The following PAPPA variants were observed in gnomAD, a reference collection of about 807,000 sequenced individuals.
The protein encoded by PAPPA is pappalysin 1.
PAPPA carries 60 observed loss-of-function variants against 164.0 expected under a neutral mutation model. The observed-to-expected ratio is 0.37, with a 90% CI of 0.30 to 0.45. The LOEUF (loss-of-function observed/expected upper bound fraction) is 0.45, where lower values mean the gene tolerates loss of function less well. Ranked by LOEUF, PAPPA falls within the 20% of genes least tolerant of loss-of-function variation. The pLI is 1.00. For missense variants in PAPPA, 1,782 were observed against 2,087.3 expected (o/e 0.85, Z 2.85); for synonymous variants, 875 against 814.1 (o/e 1.07, Z -1.27).
intron 9 of PAPPA, among the ~76,000 whole-genome samples, chr9:116,283,841 C>T (rs1466769829): frequency 4.6e-5 from 7 of 152,006 alleles, no homozygotes; most frequent in African/African-American, 1.7e-4. Flanking sequence ...TTCCATTTGT[C>T]CCGTGTGCAT....
At chr9:116,233,585 A>AT (rs1844623800) in intron 6 of PAPPA, among the ~76,000 whole-genome samples, 1 of 152,214 alleles carries the variant, frequency 6.6e-6, no homozygotes, top group Non-Finnish European at 1.5e-5. Flanking sequence ...GATGCATTAT[A>AT]TCTAAGAAGC....
At chr9:116,332,230 GTTCTTAAAAAGGAAGTTTC>G in intron 11 of PAPPA, 84 bp from the exon 12 acceptor site, 2 of 976,150 alleles carry the variant, frequency 2.0e-6, no homozygotes, top group Non-Finnish European at 3.1e-6. Context: ...TAGTAGCCCA[GTTCTTAAAAAGGAAGTTTC>G]TCCTCAAATG....
chr9:116,244,659 A>C (rs1246791084), intron 7 of PAPPA, among the ~76,000 whole-genome samples: 1 of 152,208 alleles, frequency 6.6e-6, no homozygotes, highest in Non-Finnish European at 1.5e-5. Context: ...AAAAGATAAA[A>C]AATAACAGAT....
chr9:116,323,772 A>ATTAGG (rs1240018178), intron 10 of PAPPA, among the ~76,000 whole-genome samples: 1 of 152,240 alleles, frequency 6.6e-6, no homozygotes, highest in Non-Finnish European at 1.5e-5. Flanking sequence ...TTTTAGAGTC[A>ATTAGG]ACATTCTTTT....
intron 9 of PAPPA, among the ~76,000 whole-genome samples, chr9:116,301,789 T>C (rs890312664): frequency 6.6e-6 from 1 of 152,186 alleles, no homozygotes; most frequent in Non-Finnish European, 1.5e-5. Context: ...TAGAAGCCTA[T>C]AGCATTAGAC....
At chr9:116,353,054 TAGA>T (rs1846305323) in intron 16 of PAPPA, 138 bp downstream of exon 16, 2 of 729,204 alleles carry the variant, frequency 2.7e-6, no homozygotes, top group East Asian at 5.4e-5. Flanking sequence ...TGTGAGAAGC[TAGA>T]AGGATTTGTT....
intron 17 of PAPPA, among the ~76,000 whole-genome samples, chr9:116,356,489 G>A (rs1477715685): frequency 6.6e-6 from 1 of 152,214 alleles, no homozygotes; most frequent in Admixed American, 6.5e-5. Flanking sequence ...GTGAGCTCCT[G>A]GAGGGTCTAG....
At chr9:116,174,940 T>C (rs1228059940) in intron 1 of PAPPA, among the ~76,000 whole-genome samples, 1 of 152,104 alleles carries the variant, frequency 6.6e-6, no homozygotes, top group Non-Finnish European at 1.5e-5. Flanking sequence ...CAAATAGAAA[T>C]TTTTTTCTCT....
chr9:116,176,434 T>A (rs1843835720), intron 1 of PAPPA, among the ~76,000 whole-genome samples: 1 of 152,200 alleles, frequency 6.6e-6, no homozygotes, highest in African/African-American at 2.4e-5. Flanking sequence ...GTTCCAATAA[T>A]GTAATTATGA....
At position 116,227,507 on chromosome 9, in the gene PAPPA, A is replaced by G. The variant is rs138507065; in HGVS notation, c.2188A>G (p.Met730Val). 40 of 1,613,992 alleles carry G rather than the reference A, an allele frequency of 2.5e-5. No homozygotes were observed. The highest frequency in any genetic ancestry group is 2.9e-5 in the Non-Finnish European group (34 of 1,180,004). ...GTATGCTTCCAACGCTTCCTCCCCA[A>G]TGCCCTGCAGCCCATCAGGACACTG... ...VQYASNASSP[M>V]PCSPSGHWSP... The change falls in exon 6 of 22, where the codon ATG (methionine) becomes GTG (valine). Residue 730 changes from methionine (M) to valine (V), a missense_variant. Coordinates refer to ENST00000328252, the MANE Select transcript of PAPPA (RefSeq NM_002581.5).
At chr9:116,202,066 A>G (rs1212386031) in intron 2 of PAPPA, among the ~76,000 whole-genome samples, 2 of 152,196 alleles carry the variant, frequency 1.3e-5, no homozygotes, top group Non-Finnish European at 2.9e-5. Context: ...TTGAGTGGGA[A>G]TAGAAATTGA....
chr9:116,278,779 C>T (rs963429743), intron 9 of PAPPA, among the ~76,000 whole-genome samples: 1 of 152,078 alleles, frequency 6.6e-6, no homozygotes, highest in Non-Finnish European at 1.5e-5. Flanking sequence ...TTAGGCATCT[C>T]TCAATACCTC....
rs903970931 is a variant in PAPPA, at chr9:116,187,737, C to T, written c.999C>T (p.Asp333=). ...CTCTGTGCGGACAGACATTGTGTGA[C>T]AACACAGAGGTCATTGCCAGCTACA... The part of the protein sequence containing the change: ...EPPLCGQTLC[D]NTEVIASYNQ... Residue 333 remains aspartate, a synonymous_variant, in exon 2 of 22, where the codon GAC becomes GAT. Transcript: ENST00000328252. This position sits in a 1 kb window ranked among gnomAD's most constrained non-coding sequence, Gnocchi z 4.2. 1.9e-6 allele frequency: 3 copies of T among 1,614,252 alleles called. No individual in the cohort carries two copies. The highest frequency in any genetic ancestry group is 3.3e-4 in the Middle Eastern group (2 of 6,062).
chr9:116,395,352 A>G (rs914061197), intron 21 of PAPPA, among the ~76,000 whole-genome samples: 1 of 152,212 alleles, frequency 6.6e-6, no homozygotes, highest in African/African-American at 2.4e-5. Flanking sequence ...ATGAGTCCAC[A>G]AGTACATGAG....
At chr9:116,295,872 A>G (rs993652301) in intron 9 of PAPPA, among the ~76,000 whole-genome samples, 1 of 152,188 alleles carries the variant, frequency 6.6e-6, no homozygotes, top group African/African-American at 2.4e-5. Context: ...GTCCTGATTC[A>G]TTAACGTATT....
intron 7 of PAPPA, among the ~76,000 whole-genome samples, chr9:116,263,693 G>T (rs1845030267): frequency 6.6e-6 from 1 of 152,168 alleles, no homozygotes. Context: ...TAAAACACCG[G>T]CCCATGACTT....
intron 9 of PAPPA, among the ~76,000 whole-genome samples, chr9:116,295,428 C>G (rs1207571671): frequency 2.0e-5 from 3 of 151,708 alleles, no homozygotes; most frequent in African/African-American, 7.3e-5. Context: ...GTGGCGGGTG[C>G]CTGTAATCCC....
intron 1 of PAPPA, among the ~76,000 whole-genome samples, chr9:116,183,849 A>C (rs953155347): frequency 6.6e-6 from 1 of 151,836 alleles, no homozygotes; most frequent in African/African-American, 2.4e-5. Flanking sequence ...CCTTCTCTCA[A>C]CTGCAAACAG....
intron 13 of PAPPA, among the ~76,000 whole-genome samples, chr9:116,342,984 C>A (rs1846157750): frequency 6.6e-6 from 1 of 152,170 alleles, no homozygotes; most frequent in South Asian, 2.1e-4. Flanking sequence ...CTGCAAAGTA[C>A]ACCAAGATGA....
Sources: gnomAD v4.1 joint callset for allele counts (sites outside exome capture counted in the v4.1 genomes callset) on GRCh38, gnomAD v4.1.1 for gene constraint, Gnocchi (gnomAD v3.1) non-coding constraint, MANE v1.5 for transcripts, NCBI Gene and HGNC (gene_info 2026-07-23, HGNC 2026-07-21) for gene names.